The following WAC variants were observed in gnomAD, a reference collection of about 807,000 sequenced individuals.
The protein encoded by WAC is WW domain-containing adapter protein with coiled-coil.
In WAC, 11 loss-of-function variants were observed where a neutral mutation model predicts 79.6. The ratio of observed to expected loss-of-function variants is 0.14; its 90% CI spans 0.09 to 0.23. The LOEUF (loss-of-function observed/expected upper bound fraction) is 0.23, where lower values mean the gene tolerates loss of function less well. Ranked by LOEUF, WAC falls within the 10% of genes least tolerant of loss-of-function variation. The pLI, the probability that WAC is intolerant of heterozygous loss-of-function variation, is 1.00. For missense variants in WAC, 728 were observed against 773.5 expected (o/e 0.94, Z 0.70); for synonymous variants, 304 against 276.9 (o/e 1.10, Z -0.97).
intron 6 of WAC, 95 bp from the exon 7 acceptor site, chr10:28,595,637 TA>T: frequency 8.1e-7 from 1 of 1,230,638 alleles, no homozygotes; most frequent in Non-Finnish European, 1.1e-6. Flanking sequence ...AGTATGTTGC[TA>T]AATTAGCTGA....
At chr10:28,543,495 C>A (rs764982031) in intron 3 of WAC, among the ~76,000 whole-genome samples, 1 of 152,176 alleles carries the variant, frequency 6.6e-6, no homozygotes. Flanking sequence ...GTTTAATTGC[C>A]ACATGTGAAT....
At chr10:28,597,697 G>A (rs332160) in intron 7 of WAC, among the ~76,000 whole-genome samples, 29,016 of 151,886 alleles carry the variant, frequency 0.19, 3,176 homozygotes, top group Non-Finnish European at 0.25. Flanking sequence ...TATTTGTTAC[G>A]TATCCTCATA....
chr10:28,574,412 T>C (rs1839139167), intron 3 of WAC, among the ~76,000 whole-genome samples: 1 of 152,022 alleles, frequency 6.6e-6, no homozygotes, highest in African/African-American at 2.4e-5. Flanking sequence ...CTGCCCAAAG[T>C]GCTGAGCTTA....
intron 2 of WAC, 66 bp downstream of exon 2, chr10:28,534,100 C>G (rs936395743): frequency 1.4e-6 from 2 of 1,475,168 alleles, no homozygotes; most frequent in Non-Finnish European, 1.8e-6. Flanking sequence ...GACTGCTACT[C>G]GAGCGCAGGC....
At chr10:28,570,093 C>G (rs924628779) in intron 3 of WAC, among the ~76,000 whole-genome samples, 1 of 152,158 alleles carries the variant, frequency 6.6e-6, no homozygotes. Flanking sequence ...TTGAAATTGC[C>G]TTATCTGTAA....
chr10:28,548,215 C>T (rs919318437), intron 3 of WAC, among the ~76,000 whole-genome samples: 6 of 152,074 alleles, frequency 3.9e-5, no homozygotes, highest in Admixed American at 1.3e-4. Context: ...TGAGCCACCA[C>T]GCCCGGCCAA....
Position 28,533,532 on chromosome 10 carries a change from G to T in WAC, c.-48G>T, listed in dbSNP as rs766574483. 1.6e-6 allele frequency: 2 copies of T among 1,234,726 alleles called. No homozygotes were observed. The highest frequency in any genetic ancestry group is 4.2e-5 in the South Asian group (2 of 47,956). The allele number at this position is 1,234,726 out of a possible 1,614,324, so 76.5% of individuals were successfully genotyped here. ...CCGCCTGCGCGCCCGCCCGCCTTTC[G>T]CGGCCGCTCTCCCCCCTCCCCGACA... On this transcript the variant is annotated 5_prime_UTR_variant, in exon 1 of 14. Coordinates refer to ENST00000354911, the MANE Select transcript of WAC (RefSeq NM_016628.5).
At chr10:28,563,744 C>CTTTGTTTTTTTTTTT (rs1838427645) in intron 3 of WAC, among the ~76,000 whole-genome samples, 1 of 67,936 alleles carries the variant, frequency 1.5e-5, no homozygotes, top group Non-Finnish European at 2.6e-5. Flanking sequence ...CTACACCCAG[C>CTTTGTTTTTTTTTTT]TTTTTTTTTT....
At chr10:28,577,713 G>A (rs1224499021) in intron 3 of WAC, among the ~76,000 whole-genome samples, 1 of 152,136 alleles carries the variant, frequency 6.6e-6, no homozygotes, top group African/African-American at 2.4e-5. Context: ...AGTGAAGAGG[G>A]TATGATCATC....
At chr10:28,564,995 C>T (rs1380397707) in intron 3 of WAC, among the ~76,000 whole-genome samples, 1 of 152,226 alleles carries the variant, frequency 6.6e-6, no homozygotes, top group Non-Finnish European at 1.5e-5. Flanking sequence ...AAGGCACAGC[C>T]TAACCTTCCA....
intron 3 of WAC, among the ~76,000 whole-genome samples, chr10:28,570,437 C>T (rs1027695669): frequency 3.3e-5 from 5 of 152,238 alleles, no homozygotes; most frequent in Non-Finnish European, 7.3e-5. Context: ...CAGACACTCT[C>T]TGTATCCCTT....
At chr10:28,559,889 T>C (rs1050377913) in intron 3 of WAC, among the ~76,000 whole-genome samples, 1 of 152,192 alleles carries the variant, frequency 6.6e-6, no homozygotes, top group Non-Finnish European at 1.5e-5. Flanking sequence ...TTCTTTTCTT[T>C]CTCACAAGGG....
At chr10:28,589,056 A>G (rs1343417156) in intron 4 of WAC, 1 of 152,182 alleles carries the variant, frequency 6.6e-6, no homozygotes, top group Non-Finnish European at 1.5e-5. Flanking sequence ...TAATTTCATT[A>G]TGTTACGTTG....
At chr10:28,547,960 G>T (rs1328257730) in intron 3 of WAC, among the ~76,000 whole-genome samples, 1 of 117,280 alleles carries the variant, frequency 8.5e-6, no homozygotes, top group Non-Finnish European at 1.7e-5. Flanking sequence ...CGCTCTTGTT[G>T]CTGAACCTGG....
At chr10:28,533,929 G>C (rs1030037854) in intron 1 of WAC, 69 bp from the exon 2 acceptor site, 3 of 1,579,684 alleles carry the variant, frequency 1.9e-6, no homozygotes, top group African/African-American at 2.8e-5. Flanking sequence ...CGGGGGCCCC[G>C]TTTTCTTCCT....
At chr10:28,607,465 A>G (rs1444795476) in intron 7 of WAC, among the ~76,000 whole-genome samples, 1 of 152,174 alleles carries the variant, frequency 6.6e-6, no homozygotes, top group African/African-American at 2.4e-5. Flanking sequence ...TTGAAACAAC[A>G]GCTTTCAAAT....
intron 3 of WAC, among the ~76,000 whole-genome samples, chr10:28,571,917 T>C (rs992206931): frequency 6.6e-6 from 1 of 152,250 alleles, no homozygotes; most frequent in Non-Finnish European, 1.5e-5. Context: ...TTTGATAAAT[T>C]TTTATAAAAC....
At chr10:28,611,490 G>T in intron 9 of WAC, 1 of 1,370,104 alleles carries the variant, frequency 7.3e-7, no homozygotes, top group Non-Finnish European at 9.6e-7. Flanking sequence ...TGGTGAGGAG[G>T]CCTTCCATGT....
intron 3 of WAC, among the ~76,000 whole-genome samples, chr10:28,560,885 G>A (rs1018205083): frequency 6.6e-6 from 1 of 152,160 alleles, no homozygotes; most frequent in Non-Finnish European, 1.5e-5. Flanking sequence ...TTAAGGCTTT[G>A]GGGGGATCCC....
Sources: gnomAD v4.1 joint callset for allele counts (sites outside exome capture counted in the v4.1 genomes callset) on GRCh38, gnomAD v4.1.1 for gene constraint, MANE v1.5 for transcripts, NCBI Gene and HGNC (gene_info 2026-07-23, HGNC 2026-07-21) for gene names.